The following M6PR variants were observed in gnomAD, a reference collection of about 807,000 sequenced individuals.
M6PR encodes the protein cation-dependent mannose-6-phosphate receptor.
In M6PR, 19 loss-of-function variants were observed where a neutral mutation model predicts 33.1. That is an observed-to-expected ratio of 0.57 (90% CI 0.40 to 0.84). M6PR has a LOEUF of 0.84. M6PR is among the 40% of genes least tolerant of loss of function. The pLI, the probability that M6PR is intolerant of heterozygous loss-of-function variation, is 0.00. For missense variants in M6PR, 295 were observed against 336.0 expected, an observed-to-expected ratio of 0.88 and a Z score of 0.95; for synonymous variants, 111 against 123.4, an observed-to-expected ratio of 0.90 and a Z score of 0.67.
intron 1 of M6PR, 172 bp from the exon 2 acceptor site, chr12:8,946,577 C>T: frequency 3.8e-6 from 2 of 522,834 alleles, no homozygotes. Flanking sequence ...ACAAGAGCAT[C>T]TGCAGCAGAA....
intron 5 of M6PR, among the ~76,000 whole-genome samples, 171 bp from the exon 6 acceptor site, chr12:8,942,713 T>TA (rs1232123764): frequency 6.6e-6 from 1 of 152,182 alleles, no homozygotes; most frequent in Non-Finnish European, 1.5e-5. Context: ...GAAAACCAGT[T>TA]AGAGTGCTGT....
intron 2 of M6PR, 85 bp downstream of exon 2, chr12:8,946,144 G>A: frequency 7.4e-7 from 1 of 1,352,654 alleles, no homozygotes; most frequent in East Asian, 2.3e-5. Context: ...TCATAAAAGA[G>A]AGCACATTAT....
chr12:8,943,996 A>AT (rs2137166192), intron 3 of M6PR, 86 bp from the exon 4 acceptor site: 1 of 835,230 alleles, frequency 1.2e-6, no homozygotes, highest in South Asian at 1.3e-5. Flanking sequence ...GAATTGCGTA[A>AT]TTCATTGCAA....
chr12:8,945,886 T>C (rs142667658), intron 2 of M6PR, among the ~76,000 whole-genome samples: 41 of 152,346 alleles, frequency 2.7e-4, no homozygotes, highest in African/African-American at 9.6e-4. Context: ...GTTCATCGGA[T>C]AGTCTCGTTT....
intron 5 of M6PR, among the ~76,000 whole-genome samples, chr12:8,942,896 A>G (rs1946040082): frequency 6.6e-6 from 1 of 152,194 alleles, no homozygotes. Context: ...TCCAAATGCA[A>G]ATCTATACCG....
Position 8,941,862 on chromosome 12 carries a change from C to G in M6PR, c.790G>C (p.Gly264Arg). The change falls in exon 7 of 7, where the codon GGG becomes CGG. Residue 264 changes from glycine to arginine, a missense_variant. Coordinates refer to ENST00000000412, the MANE Select transcript of M6PR (RefSeq NM_002355.4). ...TCATCCCTTTCTTCTGACTCCTCCC[C>G]CAGCTGGTCATCCCCCACACCACGA... ...AYRGVGDDQL[G>R]EESEERDDHL... The G allele has an allele frequency of 1.2e-6, 2 of 1,614,140 alleles. No individual in the cohort carries two copies. The highest frequency in any genetic ancestry group is 1.7e-6 in the Non-Finnish European group (2 of 1,180,022).
chr12:8,941,719 G>A lies in M6PR; in HGVS notation c.*99C>T. The A allele has an allele frequency of 2.1e-6, 3 of 1,443,218 alleles. No individual in the cohort carries two copies. The highest frequency in any genetic ancestry group is 2.9e-6 in the Non-Finnish European group (3 of 1,032,900). The allele number at this position is 1,443,218 out of a possible 1,614,324, so 89.4% of individuals were successfully genotyped here. On this transcript the variant is annotated 3_prime_UTR_variant, in exon 7 of 7. Transcript: ENST00000000412. ...AACTGGAAAGCAAGAGCAATAGTAA[G>A]GGTGAGATGAGGGACTGGAGTTGAG...
At chr12:8,942,636 A>G (rs1027782200) in intron 5 of M6PR, 94 bp from the exon 6 acceptor site, 5 of 1,336,576 alleles carry the variant, frequency 3.7e-6, no homozygotes, top group Non-Finnish European at 5.2e-6. Flanking sequence ...CTGTTTCCTA[A>G]GATACATTCC....
chr12:8,943,628 T>C (rs1261153052), intron 4 of M6PR, 93 bp from the exon 5 acceptor site: 4 of 1,519,776 alleles, frequency 2.6e-6, no homozygotes, highest in Non-Finnish European at 3.7e-6. Context: ...TGCTCCTTCC[T>C]GGTTCAGCAG....
At chr12:8,945,351 AGGATTGTCAGAG>A in intron 3 of M6PR, 55 bp downstream of exon 3, 2 of 1,554,934 alleles carry the variant, frequency 1.3e-6, no homozygotes, top group Non-Finnish European at 1.8e-6. Flanking sequence ...CAAGACATAC[AGGATTGTCAGAG>A]GGATTGACTT....
rs1592222397 is a variant in M6PR, at chr12:8,943,681, T to G, written c.453+120A>C. 6.8e-6 allele frequency: 9 copies of G among 1,329,594 alleles called. No homozygotes were observed. In the East Asian group the frequency reaches 2.1e-4, roughly 31 times the overall value. 82.4% of individuals were successfully genotyped at this position (1,329,594 alleles called of 1,614,324 possible). On this transcript the variant is annotated intron_variant, in intron 4 of 6. Coordinates refer to ENST00000000412, the MANE Select transcript of M6PR (RefSeq NM_002355.4). ...ATGCGTGTCTGACACAGAGAGAAAC[T>G]GAGCTCCTAGTTTTCTAATGTCCAT...
In M6PR at chr12:8,945,494, G is replaced by A. The variant is rs1205233805; in HGVS notation, c.267C>T (p.Gly89=). Residue 89 remains glycine, a synonymous_variant, in exon 3 of 7, where the codon GGC becomes GGT. Coordinates refer to ENST00000000412, the MANE Select transcript of M6PR (RefSeq NM_002355.4). ...REAGNHTSGA[G]LVQINKSNGK... is the part of the protein sequence containing the mutation. The stretch of plus-strand genomic sequence containing the variant: ...CATTACTTTTGTTGATTTGCACCAG[G>A]CCTGCCCCAGAAGTGTGGTTGCCAG... 1.2e-6 allele frequency: 2 copies of A among 1,613,910 alleles called. No individual in the cohort carries two copies. Among genetic ancestry groups the A allele is most frequent in the Non-Finnish European group, 1.7e-6 (2 of 1,179,998 alleles).
chr12:8,941,998 A>G (rs1209961786), intron 6 of M6PR, 58 bp from the exon 7 acceptor site: 4 of 1,588,694 alleles, frequency 2.5e-6, no homozygotes, highest in Non-Finnish European at 3.5e-6. Context: ...AGGATATGAG[A>G]AAGTGTACTT....
intron 1 of M6PR, chr12:8,946,997 A>G (rs1219606205): frequency 6.6e-6 from 1 of 152,230 alleles, no homozygotes; most frequent in Non-Finnish European, 1.5e-5. Flanking sequence ...AAACCCCACC[A>G]AAACCTAACA....
chr12:8,942,402 G>T lies in M6PR; in HGVS notation c.711+14C>A. On this transcript the variant is annotated intron_variant, in intron 6 of 6. Transcript: ENST00000000412. ...TTGCAGGCTACAAATTCAACCAGCT[G>T]CCCTGTTACTTACTGCTACCAGGTT... 2 of 1,614,126 alleles carry T rather than the reference G, an allele frequency of 1.2e-6. No individual in the cohort carries two copies. Among genetic ancestry groups the T allele is most frequent in the African/African-American group, 1.3e-5 (1 of 75,042 alleles).
At chr12:8,946,133 G>T in intron 2 of M6PR, 96 bp downstream of exon 2, 2 of 1,247,396 alleles carry the variant, frequency 1.6e-6, no homozygotes, top group South Asian at 1.5e-5. Flanking sequence ...TTTGCTCTAT[G>T]TCATAAAAGA....
At chr12:8,946,127 CT>C (rs1946089617) in intron 2 of M6PR, 101 bp downstream of exon 2, 1 of 1,186,002 alleles carries the variant, frequency 8.4e-7, no homozygotes, top group African/African-American at 1.5e-5. Flanking sequence ...TGAGAATTTG[CT>C]CTATGTCATA....
chr12:8,944,618 C>T (rs1021167014), intron 3 of M6PR, among the ~76,000 whole-genome samples: 4 of 152,034 alleles, frequency 2.6e-5, no homozygotes, highest in Non-Finnish European at 5.9e-5. Flanking sequence ...GGGAATTGGA[C>T]CATAGGTGCT....
intron 2 of M6PR, 38 bp from the exon 3 acceptor site, chr12:8,945,622 C>T (rs767149215): frequency 3.2e-6 from 5 of 1,577,140 alleles, no homozygotes; most frequent in Non-Finnish European, 3.5e-6. Flanking sequence ...AGGAGAGTTA[C>T]TAGCTATCAG....
Sources: gnomAD v4.1 joint callset for allele counts (sites outside exome capture counted in the v4.1 genomes callset) on GRCh38, gnomAD v4.1.1 for gene constraint, MANE v1.5 for transcripts, NCBI Gene and HGNC (gene_info 2026-07-23, HGNC 2026-07-21) for gene names.